The following PCDHGA2 variants were observed in gnomAD, a reference collection of about 807,000 sequenced individuals.
PCDHGA2 encodes the protein protocadherin gamma-A2.
Under a neutral mutation model 59.2 loss-of-function variants are expected in PCDHGA2, and 40 were observed. The observed-to-expected ratio is 0.68, with a 90% CI of 0.52 to 0.88. PCDHGA2 has a LOEUF of 0.88. Ranked by LOEUF, PCDHGA2 falls within the 40% of genes least tolerant of loss-of-function variation. The pLI is 0.00. For synonymous variants in PCDHGA2, 560 were observed against 526.0 expected, an observed-to-expected ratio of 1.06 and a Z score of -0.89; for missense variants, 1,226 against 1,204.0, an observed-to-expected ratio of 1.02 and a Z score of -0.27.
chr5:141,417,940 C>T (rs757819377), intron 1 of PCDHGA2: 2 of 1,613,054 alleles, frequency 1.2e-6, no homozygotes, highest in South Asian at 1.1e-5. Context: ...TGTTCTACCC[C>T]ACGCTGTGTG....
At chr5:141,346,531 G>A (rs1757767818) in intron 1 of PCDHGA2, 8 of 1,571,448 alleles carry the variant, frequency 5.1e-6, no homozygotes, top group Admixed American at 1.8e-5. Flanking sequence ...TAACACATAT[G>A]TATTTGAGAA....
intron 1 of PCDHGA2, among the ~76,000 whole-genome samples, chr5:141,468,041 T>C (rs972340736): frequency 4.6e-5 from 7 of 152,120 alleles, no homozygotes; most frequent in Admixed American, 3.9e-4. Flanking sequence ...TTTAGAAAAC[T>C]AAGCCGGGCA....
intron 1 of PCDHGA2, chr5:141,403,631 C>A (rs751580878): frequency 2.5e-6 from 4 of 1,613,912 alleles, no homozygotes; most frequent in Non-Finnish European, 2.5e-6. Flanking sequence ...CAGCACAGTG[C>A]GCATCCATGT....
Position 141,486,904 on chromosome 5 carries a change from C to G in PCDHGA2, c.2425-7903C>G. On this transcript the variant is annotated intron_variant, in intron 1 of 3. Transcript: ENST00000394576. This position sits in a 1 kb window ranked among gnomAD's most constrained non-coding sequence, Gnocchi z 5.0. The stretch of plus-strand genomic sequence containing the variant: ...GGGCCCGGCCTGGTTCCTTATGTCC[C>G]CAAGCACTGCCTCCATCAGTTGGTG... 6.2e-7 allele frequency: 1 copy of G among 1,614,226 alleles called. No individual in the cohort carries two copies. The highest frequency in any genetic ancestry group is 1.1e-5 in the South Asian group (1 of 91,080).
intron 1 of PCDHGA2, chr5:141,343,970 A>C: frequency 7.3e-7 from 1 of 1,376,390 alleles, no homozygotes; most frequent in South Asian, 1.6e-5. Context: ...TTGAGAAAAT[A>C]AGATTGGAGT....
At position 141,489,474 on chromosome 5, in the gene PCDHGA2, C is replaced by T. The variant is rs772297075; in HGVS notation, c.2425-5333C>T. On this transcript the variant is annotated intron_variant, in intron 1 of 3. Transcript: ENST00000394576. The surrounding 1 kb of genome is among the most constrained non-coding windows in gnomAD (Gnocchi z 4.5). ...AGAATGGGCGCTATTTTTCCCTGAG[C>T]TTGATGAGTGGTGCCCTGGCAGTGA... 6.2e-7 allele frequency: 1 copy of T among 1,614,108 alleles called. No individual in the cohort carries two copies. The highest frequency in any genetic ancestry group is 8.5e-7 in the Non-Finnish European group (1 of 1,180,034).
intron 1 of PCDHGA2, among the ~76,000 whole-genome samples, chr5:141,492,781 T>A (rs945023154): frequency 6.6e-6 from 1 of 152,194 alleles, no homozygotes; most frequent in African/African-American, 2.4e-5. Context: ...TGAGTGAGCC[T>A]CTATAGGACA....
At chr5:141,393,491 G>C in intron 1 of PCDHGA2, 1 of 1,614,026 alleles carries the variant, frequency 6.2e-7, no homozygotes, top group Non-Finnish European at 8.5e-7. Flanking sequence ...CTAGCACAGT[G>C]CGCATCCACG....
chr5:141,421,997 G>A, intron 1 of PCDHGA2: 1 of 1,609,178 alleles, frequency 6.2e-7, no homozygotes. Flanking sequence ...GAAAACATCA[G>A]CTCCGGAACT....
At chr5:141,395,224 C>G (rs1442627118) in intron 1 of PCDHGA2, 1 of 1,610,586 alleles carries the variant, frequency 6.2e-7, no homozygotes, top group Admixed American at 1.7e-5. Context: ...AAGAATGAAG[C>G]TGATCATGGT....
At chr5:141,407,873 A>C (rs561323423) in intron 1 of PCDHGA2, 1 of 354,804 alleles carries the variant, frequency 2.8e-6, no homozygotes, top group African/African-American at 2.1e-5. Flanking sequence ...CGAAGAATAT[A>C]TACATTTCGG....
intron 1 of PCDHGA2, among the ~76,000 whole-genome samples, chr5:141,401,889 T>G (rs1259815955): frequency 3.3e-5 from 5 of 152,232 alleles, no homozygotes; most frequent in Non-Finnish European, 7.3e-5. Context: ...TATTTTGTGT[T>G]CTTTTTCCCA....
intron 1 of PCDHGA2, chr5:141,385,334 C>A: frequency 6.3e-7 from 1 of 1,581,530 alleles, no homozygotes; most frequent in Non-Finnish European, 8.6e-7. Context: ...GTGAGCCCAG[C>A]CCTTCCTTTA....
intron 1 of PCDHGA2, among the ~76,000 whole-genome samples, chr5:141,445,429 C>G (rs974775529): frequency 2.6e-5 from 4 of 152,200 alleles, no homozygotes; most frequent in Non-Finnish European, 5.9e-5. Flanking sequence ...ATGCAAGGCA[C>G]TGACCTATGG....
At chr5:141,346,356 T>A (rs147497475) in intron 1 of PCDHGA2, 1 of 1,614,176 alleles carries the variant, frequency 6.2e-7, no homozygotes, top group Admixed American at 1.7e-5. Context: ...CCAGCCCAAC[T>A]ATGCGGACAC....
intron 2 of PCDHGA2, among the ~76,000 whole-genome samples, chr5:141,503,909 C>T (rs904260329): frequency 1.3e-5 from 2 of 152,156 alleles, no homozygotes; most frequent in Admixed American, 1.3e-4. Flanking sequence ...ACACACACAA[C>T]GCAACACACA....
intron 1 of PCDHGA2, chr5:141,375,893 C>G (rs1156930577): frequency 5.0e-6 from 8 of 1,613,804 alleles, no homozygotes; most frequent in Non-Finnish European, 5.1e-6. Flanking sequence ...GAACGCCTGG[C>G]TGTCCTACCG....
rs73279071 is a variant in PCDHGA2 at position 141,386,620 on chromosome 5, C to G, written c.2424+45225C>G. 8.3e-3 allele frequency among the ~76,000 whole-genome samples: 1,265 copies of G among 151,666 alleles called. 17 individuals carry two copies. The highest frequency in any genetic ancestry group is 0.029 in the African/African-American group (1,203 of 41,334). On this transcript the variant is annotated intron_variant, in intron 1 of 3. Transcript: ENST00000394576. ...ATTTTTTTTTTTTGACATGGAGTCTCGCTCTGTCACCCAGGCTGGATACAT... is the reference window on the plus strand; with the variant it reads ...ATTTTTTTTTTTTGACATGGAGTCTGGCTCTGTCACCCAGGCTGGATACAT...
rs556484142 is a variant in PCDHGA2 at position 141,503,243 on chromosome 5, CA to C, written c.2484-2149del. On this transcript the variant is annotated intron_variant, in intron 2 of 3. Coordinates refer to ENST00000394576, the MANE Select transcript of PCDHGA2 (RefSeq NM_018915.4). ...CACCGTAAAGATGGACAGTTTCTAT[CA>C]TACTCACAGCCACAACCCCAGCACC... Among the ~76,000 whole-genome samples, 232 of 152,196 alleles carry C rather than the reference CA, an allele frequency of 1.5e-3. 2 individuals carry two copies. Among genetic ancestry groups the C allele is most frequent in the African/African-American group, 5.3e-3 (219 of 41,516 alleles).
Sources: allele counts gnomAD v4.1 joint callset (sites outside exome capture counted in the v4.1 genomes callset), GRCh38; gene constraint gnomAD v4.1.1; non-coding constraint Gnocchi (gnomAD v3.1); transcripts MANE v1.5; gene names NCBI Gene and HGNC (gene_info 2026-07-23, HGNC 2026-07-21).